ANKH: variants seen among roughly 807,000 people sequenced by gnomAD.
The protein encoded by ANKH is mineralization regulator ANKH.
ANKH carries 15 observed loss-of-function variants against 49.0 expected under a neutral mutation model. The observed-to-expected ratio is 0.31, with a 90% CI of 0.20 to 0.47. The LOEUF is 0.47. Ranked by LOEUF, ANKH falls within the 20% of genes least tolerant of loss-of-function variation. The pLI, the probability that ANKH is intolerant of heterozygous loss-of-function variation, is 1.00. For missense variants in ANKH, 429 were observed against 652.0 expected, an observed-to-expected ratio of 0.66 and a Z score of 3.72; for synonymous variants, 273 against 260.0, an observed-to-expected ratio of 1.05 and a Z score of -0.48.
Position 14,747,711 on chromosome 5 carries a change from T to A in ANKH, c.822+1461A>T, listed in dbSNP as rs58389863. ...GGAGAACGAGCTTCATCTGTTTTAA[T>A]TAACAAAACGGCAATGTCCAGAGGT... On this transcript the variant is annotated intron_variant, in intron 6 of 11. Transcript: ENST00000284268. 6.8e-3 allele frequency among the ~76,000 whole-genome samples: 1,035 copies of A among 152,348 alleles called. 13 individuals carry two copies. The highest frequency in any genetic ancestry group is 0.024 in the African/African-American group (982 of 41,580).
intron 1 of ANKH, among the ~76,000 whole-genome samples, chr5:14,813,325 G>T (rs966156666): frequency 4.6e-5 from 7 of 152,102 alleles, no homozygotes; most frequent in African/African-American, 1.4e-4. Context: ...AATGATACAG[G>T]ATGGTGTTAA....
At chr5:14,849,818 C>T (rs759019893) in intron 1 of ANKH, among the ~76,000 whole-genome samples, 3 of 152,188 alleles carry the variant, frequency 2.0e-5, no homozygotes, top group Non-Finnish European at 4.4e-5. Context: ...CTGCTTGTCA[C>T]GGTCACTCGG....
At chr5:14,841,638 T>A (rs775689962) in intron 1 of ANKH, among the ~76,000 whole-genome samples, 2 of 152,124 alleles carry the variant, frequency 1.3e-5, no homozygotes, top group African/African-American at 4.8e-5. Flanking sequence ...AGGCACCAAA[T>A]CCATTCACAT....
chr5:14,795,464 T>C (rs1740344112), intron 1 of ANKH, among the ~76,000 whole-genome samples: 2 of 152,196 alleles, frequency 1.3e-5, no homozygotes, highest in African/African-American at 2.4e-5. Flanking sequence ...AATTGATTGA[T>C]AGGATGTAAA....
In ANKH at chr5:14,749,230, C is replaced by T. The variant is rs1738636101; in HGVS notation, c.764G>A (p.Arg255Gln). Residue 255 changes from arginine to glutamine, a missense_variant, in exon 6 of 12, where the codon CGG (arginine) becomes CAG (glutamine). This residue lies in a region of ANKH where 378 missense variants were observed against 615.3 expected (regional missense o/e 0.61). Transcript: ENST00000284268. ...ALILATQRIS[R>Q]PIVNLFVSRD... ...GGAAACAAAGAGGTTGACAATAGGC[C>T]GACTGATTCTCTGTGTGGCCAGAAT... The T allele has an allele frequency of 6.2e-7, 1 of 1,614,090 alleles. No homozygotes were observed. The highest frequency in any genetic ancestry group is 1.1e-5 in the South Asian group (1 of 91,074).
At chr5:14,762,825 C>G (rs993529434) in intron 2 of ANKH, among the ~76,000 whole-genome samples, 10 of 152,212 alleles carry the variant, frequency 6.6e-5, no homozygotes, top group Admixed American at 2.6e-4. Context: ...CAACCTTCAG[C>G]TTCTATAAAC....
chr5:14,715,081 G>A (rs1251587018), intron 9 of ANKH, among the ~76,000 whole-genome samples: 1 of 152,222 alleles, frequency 6.6e-6, no homozygotes, highest in East Asian at 1.9e-4. Flanking sequence ...AGGCCTTAGA[G>A]CAAGGGCCGT....
In ANKH at chr5:14,745,743, C is replaced by A. The variant is rs552632338; in HGVS notation, c.915+127G>T. On this transcript the variant is annotated intron_variant, in intron 7 of 11. Transcript: ENST00000284268. This position sits in a 1 kb window ranked among gnomAD's most constrained non-coding sequence, Gnocchi z 4.7. Reference sequence around the variant, plus strand: ...GAAAATATTCCTTCAATGCCCCCAACGTCACATTAACCTTACAAAGGGAAG... The same window carrying A: ...GAAAATATTCCTTCAATGCCCCCAAAGTCACATTAACCTTACAAAGGGAAG... 7.3e-6 allele frequency: 6 copies of A among 820,036 alleles called. No homozygotes were observed. The Admixed American group carries it at 9.8e-5, about 13-fold the overall frequency. The allele number at this position is 820,036 out of a possible 1,614,324, so 50.8% of individuals were successfully genotyped here.
intron 8 of ANKH, among the ~76,000 whole-genome samples, chr5:14,735,820 T>A (rs1738161152): frequency 6.6e-6 from 1 of 152,026 alleles, no homozygotes; most frequent in Non-Finnish European, 1.5e-5. Context: ...TAACCCTATT[T>A]CCAAGTAAGG....
chr5:14,756,771 C>G (rs529873498), intron 3 of ANKH, among the ~76,000 whole-genome samples: 2 of 151,620 alleles, frequency 1.3e-5, no homozygotes, highest in Non-Finnish European at 2.9e-5. Context: ...AATATATCAG[C>G]GCCAAGCTGC....
At chr5:14,779,689 C>A (rs1186996431) in intron 1 of ANKH, among the ~76,000 whole-genome samples, 1 of 152,246 alleles carries the variant, frequency 6.6e-6, no homozygotes, top group African/African-American at 2.4e-5. Flanking sequence ...GATGAAAAAC[C>A]CATACTTTTT....
chr5:14,812,397 T>C (rs998801577), intron 1 of ANKH, among the ~76,000 whole-genome samples: 1 of 152,106 alleles, frequency 6.6e-6, no homozygotes, highest in African/African-American at 2.4e-5. Context: ...GACGAAACAG[T>C]CTCTCGTGAG....
intron 3 of ANKH, among the ~76,000 whole-genome samples, chr5:14,757,822 A>T (rs950450905): frequency 5.9e-5 from 9 of 152,178 alleles, no homozygotes; most frequent in Admixed American, 5.9e-4. Context: ...GACAATTGGA[A>T]CCTGAGTACT....
At position 14,809,354 on chromosome 5, in the gene ANKH, A is replaced by AAAAG. The variant is rs761615641; in HGVS notation, c.97-40167_97-40164dup. Among the ~76,000 whole-genome samples the AAAAG allele has an allele frequency of 5.9e-3, 773 of 130,032 alleles. 5 individuals are homozygous for AAAAG. The highest frequency in any genetic ancestry group is 0.039 in the East Asian group (143 of 3,626). The allele number at this position is 130,032 out of a possible 152,430, so 85.3% of individuals were successfully genotyped here. A position where few individuals can be genotyped will look rare whatever the true frequency, so the allele number is the denominator to read the frequency against. ...GTATAATAAAAAAAAAAAAAAAAAA[A>AAAAG]AAAGAAAAAAAAAGAAATGGAAATA... On this transcript the variant is annotated intron_variant, in intron 1 of 11. Transcript: ENST00000284268.
intron 1 of ANKH, among the ~76,000 whole-genome samples, chr5:14,835,597 C>T (rs79561566): frequency 1.3e-5 from 2 of 152,162 alleles, no homozygotes; most frequent in Admixed American, 1.3e-4. Flanking sequence ...CTGGCAGATG[C>T]TCCTGCTGGC....
chr5:14,721,929 CAAAAAAAA>C (rs35821509), intron 8 of ANKH, among the ~76,000 whole-genome samples: 3 of 59,458 alleles, frequency 5.0e-5, no homozygotes, highest in African/African-American at 2.8e-4. Context: ...GACTCCGTCT[CAAAAAAAA>C]AAAAAAAAAA....
At chr5:14,783,483 T>G (rs1242045036) in intron 1 of ANKH, among the ~76,000 whole-genome samples, 2 of 152,218 alleles carry the variant, frequency 1.3e-5, no homozygotes, top group Non-Finnish European at 2.9e-5. Flanking sequence ...AAATTATTGA[T>G]GCACAGTATT....
rs780741799 is a variant in ANKH at position 14,711,151 on chromosome 5, G to T, written c.*46C>A. Reference sequence around the variant, plus strand: ...GAGAGGGAAGAGATGATGCCGAAGTGTCATCCTGACTGACTGTCCCTGCAG... The same window carrying T: ...GAGAGGGAAGAGATGATGCCGAAGTTTCATCCTGACTGACTGTCCCTGCAG... On this transcript the variant is annotated 3_prime_UTR_variant, in exon 12 of 12. Transcript: ENST00000284268. 1.6e-5 allele frequency: 23 copies of T among 1,475,764 alleles called. No homozygotes were observed. The East Asian group carries it at 4.5e-4, about 29-fold the overall frequency. The allele number at this position is 1,475,764 out of a possible 1,614,324, so 91.4% of individuals were successfully genotyped here.
chr5:14,851,822 G>A (rs150072854), intron 1 of ANKH, among the ~76,000 whole-genome samples: 1 of 152,296 alleles, frequency 6.6e-6, no homozygotes, highest in East Asian at 1.9e-4. Flanking sequence ...GAGCTTCCTA[G>A]CAGCTTATGG....
Sources: allele counts gnomAD v4.1 joint callset (sites outside exome capture counted in the v4.1 genomes callset), GRCh38; gene constraint gnomAD v4.1.1; regional missense constraint gnomAD v4.1.1; non-coding constraint Gnocchi (gnomAD v3.1); transcripts MANE v1.5; gene names NCBI Gene and HGNC (gene_info 2026-07-23, HGNC 2026-07-21).